STX8: variants seen among roughly 807,000 people sequenced by gnomAD.
STX8 encodes the protein syntaxin 8, also known as syntaxin-8.
A neutral mutation model predicts 37.5 loss-of-function variants in STX8; 23 were observed. The observed-to-expected ratio is 0.61, with a 90% confidence interval of 0.44 to 0.87. The LOEUF (loss-of-function observed/expected upper bound fraction) is 0.87, where lower values mean the gene tolerates loss of function less well. Among genes scored for constraint, STX8 ranks in the 40% least tolerant of loss-of-function variants. The probability of loss-of-function intolerance (pLI) is 0.00; values close to 1 mark genes in which losing one functional copy is unlikely to be tolerated. For synonymous variants in STX8, 115 were observed against 99.1 expected, an observed-to-expected ratio of 1.16 and a Z score of -0.95; for missense variants, 313 against 284.7, an observed-to-expected ratio of 1.10 and a Z score of -0.71.
chr17:9,371,140 A>G (rs1410238888), intron 7 of STX8, among the ~76,000 whole-genome samples: 1 of 152,188 alleles, frequency 6.6e-6, no homozygotes, highest in Non-Finnish European at 1.5e-5. Context: ...CTTGCAGTTC[A>G]GTCTGTATTC....
chr17:9,492,892 G>A (rs1264569431), intron 5 of STX8, among the ~76,000 whole-genome samples: 2 of 152,056 alleles, frequency 1.3e-5, no homozygotes, highest in East Asian at 3.9e-4. Flanking sequence ...TCAGGAGATC[G>A]AGACCATCCT....
At chr17:9,448,302 T>C (rs547053979) in intron 6 of STX8, among the ~76,000 whole-genome samples, 3 of 152,266 alleles carry the variant, frequency 2.0e-5, no homozygotes, top group African/African-American at 7.2e-5. Context: ...TTCGTGAACA[T>C]GCACAGAGAG....
chr17:9,386,563 G>C (rs1439450523), intron 6 of STX8, among the ~76,000 whole-genome samples: 1 of 152,104 alleles, frequency 6.6e-6, no homozygotes, highest in East Asian at 1.9e-4. Flanking sequence ...CAGGGAGGGA[G>C]GGAGCTGGCA....
chr17:9,450,026 G>A lies in STX8; in HGVS notation c.541+41803C>T, dbSNP rs959801226. ...GTGATGGACTTGTTTTATATCTCAA[G>A]TATATATATCAAAACTCATTAAATT... On this transcript the variant is annotated intron_variant, in intron 6 of 7. Coordinates refer to ENST00000306357, the MANE Select transcript of STX8 (RefSeq NM_004853.3). 2.0e-4 allele frequency among the ~76,000 whole-genome samples: 31 copies of A among 151,636 alleles called. No individual in the cohort carries two copies. In the Middle Eastern group the frequency reaches 0.01, roughly 50 times the overall value.
At chr17:9,489,715 T>C (rs1164441793) in intron 6 of STX8, among the ~76,000 whole-genome samples, 2 of 95,294 alleles carry the variant, frequency 2.1e-5, no homozygotes, top group Non-Finnish European at 2.3e-5. Flanking sequence ...TTGAGATGGA[T>C]TGTCACTCTA....
intron 6 of STX8, among the ~76,000 whole-genome samples, chr17:9,392,747 T>C (rs906263937): frequency 1.3e-5 from 2 of 152,032 alleles, no homozygotes; most frequent in African/African-American, 4.8e-5. Flanking sequence ...ATAACCAAAT[T>C]TGAAAACTCA....
chr17:9,538,164 G>A (rs561804017), intron 4 of STX8, among the ~76,000 whole-genome samples: 15 of 152,294 alleles, frequency 9.8e-5, no homozygotes, highest in East Asian at 1.9e-4. Context: ...CTACACTCAC[G>A]TAGAGGACAA....
chr17:9,332,541 T>C (rs575294793), intron 7 of STX8, among the ~76,000 whole-genome samples: 3 of 152,340 alleles, frequency 2.0e-5, no homozygotes, highest in African/African-American at 7.2e-5. Context: ...GACTATTTTA[T>C]AATTCATCCA....
At chr17:9,290,493 G>A (rs562233764) in intron 7 of STX8, among the ~76,000 whole-genome samples, 3 of 152,234 alleles carry the variant, frequency 2.0e-5, no homozygotes, top group East Asian at 3.9e-4. Flanking sequence ...CACACACACA[G>A]GTATATACAA....
chr17:9,270,899 A>G (rs1237918625), intron 7 of STX8, among the ~76,000 whole-genome samples: 1 of 152,180 alleles, frequency 6.6e-6, no homozygotes, highest in Non-Finnish European at 1.5e-5. Context: ...AAATGATGGG[A>G]TTTTACCAGA....
intron 5 of STX8, among the ~76,000 whole-genome samples, chr17:9,498,756 A>G (rs1028222240): frequency 1.3e-5 from 2 of 152,100 alleles, no homozygotes; most frequent in African/African-American, 4.8e-5. Context: ...TCTATAGAAA[A>G]TTCATAAGAC....
At chr17:9,300,389 T>C (rs1029887896) in intron 7 of STX8, among the ~76,000 whole-genome samples, 2 of 151,268 alleles carry the variant, frequency 1.3e-5, no homozygotes, top group East Asian at 3.9e-4. Flanking sequence ...TCCCCAATTA[T>C]TTAAAAAACC....
chr17:9,449,678 T>C (rs922415075), intron 6 of STX8, among the ~76,000 whole-genome samples: 1 of 152,100 alleles, frequency 6.6e-6, no homozygotes, highest in Non-Finnish European at 1.5e-5. Context: ...TTAAATGCAT[T>C]ATGCTTAGTG....
At chr17:9,384,794 T>TTTTGTGTGTG (rs141833380) in intron 6 of STX8, among the ~76,000 whole-genome samples, 1 of 147,656 alleles carries the variant, frequency 6.8e-6, no homozygotes, top group African/African-American at 2.5e-5. Context: ...CCAGATAGAC[T>TTTTGTGTGTG]TGTGTGTGTG....
rs368851654 is a variant in STX8 at position 9,400,106 on chromosome 17, A to ATTT, written c.542-21456_542-21454dup. Among the ~76,000 whole-genome samples the ATTT allele has an allele frequency of 2.4e-4, 33 of 138,068 alleles. 1 individual carries two copies. Among genetic ancestry groups the ATTT allele is most frequent in the Non-Finnish European group, 2.9e-4 (19 of 64,856 alleles). 90.6% of individuals were successfully genotyped at this position (138,068 alleles called of 152,430 possible). A position where few individuals can be genotyped will look rare whatever the true frequency, so the allele number is the denominator to read the frequency against. ...TTTATTTATTTAATTTGTTGTTATT[A>ATTT]TTTTTTTTTTTTTTGAGACGGAGTC... On this transcript the variant is annotated intron_variant, in intron 6 of 7. Transcript: ENST00000306357.
intron 7 of STX8, among the ~76,000 whole-genome samples, chr17:9,360,742 T>C (rs1402804297): frequency 2.0e-5 from 3 of 146,898 alleles, no homozygotes. Context: ...AAAAGAGAAA[T>C]ACGGGCTGTT....
intron 6 of STX8, among the ~76,000 whole-genome samples, chr17:9,391,297 C>T (rs905261023): frequency 1.1e-4 from 16 of 151,602 alleles, no homozygotes; most frequent in African/African-American, 3.6e-4. Context: ...ACTAAAAACA[C>T]AAAAATTAGC....
chr17:9,513,313 C>CAAAA (rs35228175), intron 4 of STX8, among the ~76,000 whole-genome samples: 5 of 78,036 alleles, frequency 6.4e-5, no homozygotes, highest in African/African-American at 1.9e-4. Flanking sequence ...ACTCTATTTC[C>CAAAA]AAAAAAAAAA....
intron 7 of STX8, among the ~76,000 whole-genome samples, chr17:9,368,920 C>T (rs1428993574): frequency 7.7e-6 from 1 of 130,236 alleles, no homozygotes; most frequent in African/African-American, 3.6e-5. Flanking sequence ...CTACCTTTTA[C>T]CCTTTTTTTT....
Sources: gnomAD v4.1 joint callset for allele counts (sites outside exome capture counted in the v4.1 genomes callset) on GRCh38, gnomAD v4.1.1 for gene constraint, MANE v1.5 for transcripts, NCBI Gene and HGNC (gene_info 2026-07-23, HGNC 2026-07-21) for gene names.